Variants in AATF observed in about 807,000 individuals in gnomAD.
AATF encodes the protein protein AATF.
In AATF, 48 loss-of-function variants were observed where a neutral mutation model predicts 63.7. The observed-to-expected ratio is 0.75, with a 90% CI of 0.60 to 0.96. The LOEUF (loss-of-function observed/expected upper bound fraction) is 0.96. Ranked by LOEUF, AATF falls within the 40% of genes least tolerant of loss-of-function variation. The pLI is 0.00. For synonymous variants in AATF, 258 were observed against 247.7 expected (o/e 1.04, Z -0.39); for missense variants, 639 against 685.7 (o/e 0.93, Z 0.76).
chr17:37,029,877 A>G (rs1278224472), intron 10 of AATF, among the ~76,000 whole-genome samples: 4 of 150,720 alleles, frequency 2.7e-5, no homozygotes, highest in Admixed American at 2.0e-4. Flanking sequence ...AGTTGTTTTT[A>G]CTTTTTGTAG....
chr17:36,982,162 C>T (rs2071130368), intron 4 of AATF, among the ~76,000 whole-genome samples: 1 of 151,168 alleles, frequency 6.6e-6, no homozygotes. Flanking sequence ...CATGTTGCAG[C>T]ATGTCAGAAT....
chr17:37,048,924 C>G (rs2071720927), intron 11 of AATF, among the ~76,000 whole-genome samples: 1 of 152,166 alleles, frequency 6.6e-6, no homozygotes, highest in African/African-American at 2.4e-5. Flanking sequence ...GCCATTTAGT[C>G]CCTCGTGTTG....
At chr17:37,007,640 AAAT>A (rs1278662475) in intron 8 of AATF, among the ~76,000 whole-genome samples, 3 of 152,150 alleles carry the variant, frequency 2.0e-5, no homozygotes, top group African/African-American at 7.2e-5. Context: ...ACATAAACAT[AAAT>A]AACCAGAACG....
In AATF at chr17:36,989,402, A is replaced by C; in HGVS notation, c.1305A>C (p.Pro435=). The change falls in exon 7 of 12, where the codon CCA becomes CCC. Residue 435 remains proline (P), a synonymous_variant. Coordinates refer to ENST00000619387, the MANE Select transcript of AATF (RefSeq NM_012138.4). ...CTCAGCCTGTCCCAGAGAGTTTGCC[A>C]GGGGAACCGGTAAGAACTCTGTAAT... ...PAAQPVPESL[P]GEPEILPQAP... is the part of the protein sequence containing the mutation. 6.2e-7 allele frequency: 1 copy of C among 1,612,280 alleles called. No individual in the cohort carries two copies. Among genetic ancestry groups the C allele is most frequent in the Non-Finnish European group, 8.5e-7 (1 of 1,178,840 alleles).
At chr17:36,952,594 T>C (rs573154999) in intron 2 of AATF, among the ~76,000 whole-genome samples, 1 of 152,378 alleles carries the variant, frequency 6.6e-6, no homozygotes, top group South Asian at 2.1e-4. Context: ...CTCACTCTTC[T>C]GGGTTATTGA....
chr17:37,000,676 A>G (rs1567978745), intron 8 of AATF, among the ~76,000 whole-genome samples: 1 of 152,222 alleles, frequency 6.6e-6, no homozygotes, highest in Non-Finnish European at 1.5e-5. Flanking sequence ...GAGATTACCT[A>G]GAAAATGAAG....
chr17:36,956,604 C>T (rs962419982), intron 4 of AATF, among the ~76,000 whole-genome samples: 2 of 150,064 alleles, frequency 1.3e-5, no homozygotes, highest in Non-Finnish European at 3.0e-5. Flanking sequence ...ACCTGTGAGG[C>T]GGAGGCTGCA....
intron 8 of AATF, among the ~76,000 whole-genome samples, chr17:37,001,412 G>GAAGGAAGGAAGGAAGA (rs2071295003): frequency 2.2e-5 from 2 of 90,614 alleles, no homozygotes; most frequent in Non-Finnish European, 4.0e-5. Context: ...AGGGAGGAAG[G>GAAGGAAGGAAGGAAGA]AAGGAAGGAA....
Position 37,031,655 on chromosome 17 carries a change from T to C in AATF, c.1589T>C (p.Ile530Thr). Residue 530 changes from isoleucine to threonine, a missense_variant, in exon 11 of 12, where the codon ATT becomes ACT. Transcript: ENST00000619387. ...AAGCTACTGAGTTTCATGGCACCTA[T>C]TGACCATACTACAATGAATGATGAT... Reference protein sequence around the residue: ...LSKLLSFMAPIDHTTMNDDAR... With the variant: ...LSKLLSFMAPTDHTTMNDDAR... 4 of 1,614,204 alleles carry C rather than the reference T, an allele frequency of 2.5e-6. No homozygotes were observed. Among genetic ancestry groups the C allele is most frequent in the South Asian group, 1.1e-5 (1 of 91,088 alleles).
chr17:36,979,642 C>T (rs578148001), intron 4 of AATF, among the ~76,000 whole-genome samples: 8 of 151,952 alleles, frequency 5.3e-5, no homozygotes, highest in Non-Finnish European at 4.4e-5. Context: ...GTAATGTTTG[C>T]GTATTTATTT....
chr17:36,953,718 C>G (rs746225557), intron 3 of AATF, 52 bp from the exon 4 acceptor site: 9 of 1,581,108 alleles, frequency 5.7e-6, no homozygotes, highest in Non-Finnish European at 6.9e-6. Context: ...TGCCACCTCA[C>G]CCCCAGAATA....
At chr17:37,032,381 G>A (rs956890431) in intron 11 of AATF, among the ~76,000 whole-genome samples, 1 of 152,110 alleles carries the variant, frequency 6.6e-6, no homozygotes, top group Non-Finnish European at 1.5e-5. Flanking sequence ...AAACTGGCTT[G>A]TGTCCTTCAA....
intron 4 of AATF, among the ~76,000 whole-genome samples, chr17:36,960,342 C>T (rs933020361): frequency 2.0e-5 from 3 of 152,140 alleles, no homozygotes; most frequent in Non-Finnish European, 4.4e-5. Context: ...AATTTGTCCT[C>T]AGCAATAATA....
chr17:36,962,563 C>CA (rs1033279530), intron 4 of AATF, among the ~76,000 whole-genome samples: 26 of 146,380 alleles, frequency 1.8e-4, no homozygotes, highest in African/African-American at 6.3e-4. Flanking sequence ...GCATCAGAAA[C>CA]AATTTTTTTT....
Position 36,986,350 on chromosome 17 carries a change from T to C in AATF, c.833-267T>C, listed in dbSNP as rs372041948. ...GCTTAATACATTTAAGAGCTGACAA[T>C]GTATTGGACTCTTACTCTTTGCAGA... On this transcript the variant is annotated intron_variant, in intron 4 of 11. Transcript: ENST00000619387. 7.2e-5 allele frequency among the ~76,000 whole-genome samples: 11 copies of C among 152,330 alleles called. No individual in the cohort carries two copies. In the South Asian group the frequency reaches 1.7e-3, roughly 23 times the overall value.
At chr17:37,050,224 A>G (rs1773666990) in intron 11 of AATF, among the ~76,000 whole-genome samples, 1 of 152,176 alleles carries the variant, frequency 6.6e-6, no homozygotes, top group South Asian at 2.1e-4. Context: ...CAGGAGGAAG[A>G]ATGTTTGTGT....
At chr17:36,984,099 A>G (rs369863608) in intron 4 of AATF, among the ~76,000 whole-genome samples, 1 of 152,254 alleles carries the variant, frequency 6.6e-6, no homozygotes, top group Non-Finnish European at 1.5e-5. Context: ...CAGAAAAGAA[A>G]GAATAAGACA....
intron 11 of AATF, among the ~76,000 whole-genome samples, chr17:37,032,918 A>G (rs540665930): frequency 6.6e-6 from 1 of 152,348 alleles, no homozygotes; most frequent in African/African-American, 2.4e-5. Context: ...ATTTTTAAAC[A>G]TATTTACCAA....
chr17:36,953,699 C>A, intron 3 of AATF, 71 bp from the exon 4 acceptor site: 1 of 1,492,928 alleles, frequency 6.7e-7, no homozygotes, highest in Non-Finnish European at 9.2e-7. Context: ...TCCTGTTCTT[C>A]CCCACCCCTG....
Sources: gnomAD v4.1 joint callset for allele counts (sites outside exome capture counted in the v4.1 genomes callset) on GRCh38, gnomAD v4.1.1 for gene constraint, MANE v1.5 for transcripts, NCBI Gene and HGNC (gene_info 2026-07-23, HGNC 2026-07-21) for gene names.